EHMT1: variants seen among roughly 807,000 people sequenced by gnomAD.
EHMT1 encodes the protein euchromatic histone lysine methyltransferase 1.
A neutral mutation model predicts 147.2 loss-of-function variants in EHMT1; 15 were observed. The ratio of observed to expected loss-of-function variants is 0.10; its 90% CI spans 0.07 to 0.16. The LOEUF (loss-of-function observed/expected upper bound fraction) is 0.16. EHMT1 is among the 10% of genes least tolerant of loss of function. The pLI, the probability that EHMT1 is intolerant of heterozygous loss-of-function variation, is 1.00. For synonymous variants in EHMT1, 795 were observed against 709.6 expected (o/e 1.12, Z -1.91); for missense variants, 1,587 against 1,772.4 (o/e 0.90, Z 1.88).
At chr9:137,749,425 C>T in intron 6 of EHMT1, among the ~76,000 whole-genome samples, 1 of 152,116 alleles carries the variant, frequency 6.6e-6, no homozygotes, top group East Asian at 1.9e-4. Context: ...GCATGCGCCA[C>T]CATGTCCAGC....
At position 137,680,744 on chromosome 9, in the gene EHMT1, G is replaced by A. The variant is rs115594897; in HGVS notation, c.22-30223G>A. ...GATGCAAAGAAGGTGCACTGTGTGC[G>A]GGGCACCACCTGTGAGACCCTAACC... is the stretch of plus-strand genomic sequence containing the variant. On this transcript the variant is annotated intron_variant, in intron 1 of 26. Coordinates refer to ENST00000460843, the MANE Select transcript of EHMT1 (RefSeq NM_024757.5). Among the ~76,000 whole-genome samples the A allele has an allele frequency of 5.4e-3, 826 of 152,328 alleles. 10 individuals carry two copies. Among genetic ancestry groups the A allele is most frequent in the African/African-American group, 0.019 (780 of 41,576 alleles).
At chr9:137,662,897 G>T (rs1477860203) in intron 1 of EHMT1, among the ~76,000 whole-genome samples, 1 of 151,748 alleles carries the variant, frequency 6.6e-6, no homozygotes, top group Non-Finnish European at 1.5e-5. Context: ...GGGTTCCAGC[G>T]ATTCTCCTGC....
chr9:137,625,056 A>G (rs949861713), intron 1 of EHMT1, among the ~76,000 whole-genome samples: 1 of 150,676 alleles, frequency 6.6e-6, no homozygotes, highest in Non-Finnish European at 1.5e-5. Context: ...TAATTTTTGT[A>G]TTTTCGGTAG....
chr9:137,718,655 C>A (rs9314637), intron 3 of EHMT1, among the ~76,000 whole-genome samples: 1 of 152,042 alleles, frequency 6.6e-6, no homozygotes. Flanking sequence ...TCAGCCCTTC[C>A]CCTTCTTGCT....
At chr9:137,625,216 A>G (rs1350944095) in intron 1 of EHMT1, among the ~76,000 whole-genome samples, 2 of 152,118 alleles carry the variant, frequency 1.3e-5, no homozygotes, top group African/African-American at 2.4e-5. Flanking sequence ...TGCAAGCACT[A>G]TTCCCTTGCC....
intron 2 of EHMT1, 150 bp downstream of exon 2, chr9:137,711,180 A>G (rs1353846641): frequency 2.6e-6 from 2 of 772,792 alleles, no homozygotes; most frequent in Non-Finnish European, 3.9e-6. Flanking sequence ...CCATTCCTAA[A>G]TAGCACAGTT....
At chr9:137,629,347 C>T (rs1316375466) in intron 1 of EHMT1, among the ~76,000 whole-genome samples, 1 of 151,634 alleles carries the variant, frequency 6.6e-6, no homozygotes, top group East Asian at 2.0e-4. Flanking sequence ...CTGCCTCGGC[C>T]TCCCAAAGTG....
intron 1 of EHMT1, among the ~76,000 whole-genome samples, chr9:137,631,316 C>T (rs571479895): frequency 1.3e-5 from 2 of 151,700 alleles, no homozygotes; most frequent in African/African-American, 2.4e-5. Context: ...CGCTTGAACC[C>T]GGGAGGTGGA....
chr9:137,670,583 C>T (rs985784342), intron 1 of EHMT1, among the ~76,000 whole-genome samples: 3 of 152,314 alleles, frequency 2.0e-5, no homozygotes, highest in African/African-American at 7.2e-5. Flanking sequence ...TGCCTTCTGA[C>T]TTCCTCAGTC....
At chr9:137,684,109 C>T (rs1233806917) in intron 1 of EHMT1, among the ~76,000 whole-genome samples, 2 of 152,084 alleles carry the variant, frequency 1.3e-5, no homozygotes, top group East Asian at 1.9e-4. Flanking sequence ...AGTCACGGCT[C>T]ACTGTAGCCT....
chr9:137,640,464 A>G (rs922348662), intron 1 of EHMT1, among the ~76,000 whole-genome samples: 4 of 152,036 alleles, frequency 2.6e-5, no homozygotes, highest in African/African-American at 9.7e-5. Context: ...TTTTGTAAAG[A>G]TGGGGTCTTC....
chr9:137,834,277 T>TG, intron 25 of EHMT1, 72 bp from the exon 26 acceptor site: 1 of 1,590,646 alleles, frequency 6.3e-7, no homozygotes, highest in Non-Finnish European at 8.5e-7. Context: ...CTGCCATGCA[T>TG]GGCCGTACCC....
chr9:137,654,722 G>A (rs1452663908), intron 1 of EHMT1, among the ~76,000 whole-genome samples: 1 of 152,220 alleles, frequency 6.6e-6, no homozygotes, highest in African/African-American at 2.4e-5. Context: ...CTGAAGGCTT[G>A]AGTAAAGGCT....
chr9:137,765,875 A>G (rs984822349), intron 10 of EHMT1, among the ~76,000 whole-genome samples: 1 of 152,082 alleles, frequency 6.6e-6, no homozygotes, highest in Non-Finnish European at 1.5e-5. Context: ...TGTCTGTTGA[A>G]CAACCCAGGC....
chr9:137,780,389 G>A (rs1951323701), intron 14 of EHMT1, among the ~76,000 whole-genome samples: 2 of 133,192 alleles, frequency 1.5e-5, no homozygotes, highest in Non-Finnish European at 3.1e-5. Context: ...GATGACGCTG[G>A]GATGTGTGGT....
At chr9:137,674,891 G>A (rs889100960) in intron 1 of EHMT1, 2 of 152,238 alleles carry the variant, frequency 1.3e-5, no homozygotes, top group Admixed American at 6.5e-5. Context: ...AAGTAGCTCA[G>A]TGTGACTGGC....
At chr9:137,656,381 A>G (rs1166506207) in intron 1 of EHMT1, among the ~76,000 whole-genome samples, 1 of 152,240 alleles carries the variant, frequency 6.6e-6, no homozygotes, top group African/African-American at 2.4e-5. Context: ...CTCCATCTCA[A>G]AAACAAAAAC....
chr9:137,779,830 T>C (rs1564744966), intron 14 of EHMT1, 113 bp downstream of exon 14: 1 of 1,201,018 alleles, frequency 8.3e-7, no homozygotes, highest in Non-Finnish European at 1.2e-6. Flanking sequence ...GGTTTTCTGT[T>C]TCTGTGTCTC....
intron 1 of EHMT1, among the ~76,000 whole-genome samples, chr9:137,692,921 A>G (rs1943066594): frequency 2.0e-5 from 3 of 152,036 alleles, no homozygotes; most frequent in African/African-American, 7.2e-5. Context: ...GAAAAAAGGG[A>G]CAATCAGAAG....
Sources: allele counts gnomAD v4.1 joint callset (sites outside exome capture counted in the v4.1 genomes callset), GRCh38; gene constraint gnomAD v4.1.1; transcripts MANE v1.5; gene names NCBI Gene and HGNC (gene_info 2026-07-23, HGNC 2026-07-21).